AMBN: variants seen among roughly 807,000 people sequenced by gnomAD.
The protein encoded by AMBN is ameloblastin.
AMBN carries 54 observed loss-of-function variants against 48.0 expected under a neutral mutation model. The ratio of observed to expected loss-of-function variants is 1.12; its 90% confidence interval spans 0.90 to 1.41. AMBN has a LOEUF of 1.41. AMBN is among the 40% of genes most tolerant of loss of function. The pLI is 0.00. For synonymous variants in AMBN, 186 were observed against 190.0 expected (o/e 0.98, Z 0.17); for missense variants, 571 against 547.3 (o/e 1.04, Z -0.43).
At chr4:70,597,689 T>C (rs962671711) in intron 3 of AMBN, among the ~76,000 whole-genome samples, 18 of 152,236 alleles carry the variant, frequency 1.2e-4, no homozygotes, top group Middle Eastern at 3.4e-3. Flanking sequence ...CATGGTAAGC[T>C]GGGGGCAGTC....
At chr4:70,602,591 G>T in intron 6 of AMBN, 33 bp from the exon 7 acceptor site, 4 of 1,471,650 alleles carry the variant, frequency 2.7e-6, no homozygotes, top group Non-Finnish European at 3.6e-6. Context: ...TTTATTTTTT[G>T]ACTGATAATT....
intron 3 of AMBN, 94 bp downstream of exon 3, chr4:70,597,143 C>T (rs1737403461): frequency 2.5e-6 from 3 of 1,183,272 alleles, no homozygotes; most frequent in Non-Finnish European, 3.6e-6. Flanking sequence ...GTTTTCCTAG[C>T]CAGAAGTTTG....
At chr4:70,601,849 A>G (rs1737528819) in intron 6 of AMBN, 195 bp downstream of exon 6, 1 of 697,778 alleles carries the variant, frequency 1.4e-6, no homozygotes, top group Non-Finnish European at 2.5e-6. Flanking sequence ...TTTTGCCATC[A>G]GAGACAGGGC....
chr4:70,602,958 T>C lies in AMBN; in HGVS notation c.610-14T>C, dbSNP rs748798988. ...TTTTTTGACTGATAATTTTAATATT[T>C]ATCTGTAATATAGCTCCCAGGATTG... On this transcript the variant is annotated splice_polypyrimidine_tract_variant and intron_variant, in intron 8 of 12. Coordinates refer to ENST00000322937, the MANE Select transcript of AMBN (RefSeq NM_016519.6). The C allele has an allele frequency of 8.8e-6, 14 of 1,593,928 alleles. No individual in the cohort carries two copies. The Admixed American group carries it at 2.4e-4, about 28-fold the overall frequency.
chr4:70,598,087 C>A (rs970504340), intron 3 of AMBN, among the ~76,000 whole-genome samples: 2 of 152,120 alleles, frequency 1.3e-5, no homozygotes, highest in Admixed American at 6.6e-5. Context: ...AGCTATTTTC[C>A]CATGTTTCAA....
chr4:70,598,536 G>A, intron 4 of AMBN, 133 bp downstream of exon 4: 1 of 572,196 alleles, frequency 1.7e-6, no homozygotes, highest in Non-Finnish European at 2.7e-6. Context: ...GTAAATGAGA[G>A]CCTAAAACAA....
At chr4:70,603,221 C>A in intron 9 of AMBN, 39 bp from the exon 10 acceptor site, 2 of 1,581,946 alleles carry the variant, frequency 1.3e-6, no homozygotes, top group Non-Finnish European at 1.7e-6. Flanking sequence ...TGGGGATGTG[C>A]CTGTGAGAAT....
intron 9 of AMBN, 124 bp from the exon 10 acceptor site, chr4:70,603,136 C>T (rs1188919655): frequency 2.2e-6 from 3 of 1,355,646 alleles, no homozygotes; most frequent in African/African-American, 3.0e-5. Context: ...CCTTTGTTCT[C>T]TTAAATATTA....
rs180819235 is a variant in AMBN, at chr4:70,601,497, C to A, written c.374C>A (p.Pro125His). Residue 125 changes from proline to histidine, a missense_variant, in exon 6 of 13, where the codon CCT (proline) becomes CAT (histidine). Physicochemically the swap from Pro to His is moderately conservative, Grantham distance 77 (BLOSUM62 -2). Coordinates refer to ENST00000322937, the MANE Select transcript of AMBN (RefSeq NM_016519.6). ...SLKPQQPGLK[P>H]FLQSAAATTN... ...AAGCCTCAACAGCCAGGACTGAAAC[C>A]TTTTCTCCAGTCTGCTGCTGCAACC... 3.2e-5 allele frequency: 51 copies of A among 1,614,192 alleles called. No homozygotes were observed. The Admixed American group carries it at 8.3e-4, about 26-fold the overall frequency.
Position 70,601,417 on chromosome 4 carries a change from G to T in AMBN, c.295-1G>T. On this transcript the variant is annotated splice_acceptor_variant, in intron 5 of 12. Coordinates refer to ENST00000322937, the MANE Select transcript of AMBN (RefSeq NM_016519.6). LOFTEE classifies it high-confidence loss of function. ...AACACTCTTTTCAAATTTCTCTGCA[G>T]TATGAATATTCTTTGCCTGTGCATC... The T allele has an allele frequency of 6.2e-7, 1 of 1,613,596 alleles. No individual in the cohort carries two copies. Among genetic ancestry groups the T allele is most frequent in the Non-Finnish European group, 8.5e-7 (1 of 1,179,542 alleles).
At chr4:70,599,850 A>T (rs1362743342) in intron 5 of AMBN, among the ~76,000 whole-genome samples, 1 of 152,220 alleles carries the variant, frequency 6.6e-6, no homozygotes, top group African/African-American at 2.4e-5. Context: ...TATTTATTTA[A>T]AATAGGAAGA....
chr4:70,593,481 C>A, intron 2 of AMBN, 86 bp downstream of exon 2: 1 of 1,108,176 alleles, frequency 9.0e-7, no homozygotes, highest in Non-Finnish European at 1.4e-6. Context: ...ACTGAGAGTC[C>A]ACGCATAGAC....
chr4:70,597,947 TTTGTTTGTC>T (rs770510857), intron 3 of AMBN, among the ~76,000 whole-genome samples: 4 of 144,420 alleles, frequency 2.8e-5, no homozygotes, highest in African/African-American at 5.2e-5. Flanking sequence ...AGAAGTTTTA[TTTGTTTGTC>T]TTGTTTGTTT....
At chr4:70,606,086 G>T (rs976634818) in intron 12 of AMBN, 99 bp from the exon 13 acceptor site, 1 of 1,404,362 alleles carries the variant, frequency 7.1e-7, no homozygotes, top group South Asian at 1.4e-5. Context: ...TTCTCCACCA[G>T]TTTTTTAGAG....
intron 2 of AMBN, 136 bp from the exon 3 acceptor site, chr4:70,596,863 C>A: frequency 1.7e-6 from 1 of 574,766 alleles, no homozygotes; most frequent in South Asian, 2.8e-5. Flanking sequence ...CCCAAGCACT[C>A]AAGTCATTTG....
chr4:70,599,651 G>A lies in AMBN; in HGVS notation c.294+5G>A. ...AGAGAACATGAAACTCAACAGGTGAGTGAATAGCATCAATATGTTTGAAAC... is the reference window on the plus strand; with the variant it reads ...AGAGAACATGAAACTCAACAGGTGAATGAATAGCATCAATATGTTTGAAAC... On this transcript the variant is annotated splice_donor_5th_base_variant and intron_variant, in intron 5 of 12. Transcript: ENST00000322937. The A allele has an allele frequency of 1.3e-6, 2 of 1,590,054 alleles. No individual in the cohort carries two copies. Among genetic ancestry groups the A allele is most frequent in the African/African-American group, 1.3e-5 (1 of 74,322 alleles).
chr4:70,597,746 G>T (rs560984875), intron 3 of AMBN, among the ~76,000 whole-genome samples: 2 of 152,064 alleles, frequency 1.3e-5, no homozygotes, highest in African/African-American at 4.8e-5. Flanking sequence ...AGCTAATTTC[G>T]CTGAGGGTTT....
chr4:70,594,620 A>C (rs901841524), intron 2 of AMBN, among the ~76,000 whole-genome samples: 6 of 152,198 alleles, frequency 3.9e-5, no homozygotes, highest in Non-Finnish European at 8.8e-5. Flanking sequence ...ATAATGATGA[A>C]AACCTTAATT....
At chr4:70,594,273 C>G (rs952397259) in intron 2 of AMBN, among the ~76,000 whole-genome samples, 5 of 152,148 alleles carry the variant, frequency 3.3e-5, no homozygotes, top group African/African-American at 1.2e-4. Flanking sequence ...CACACCTGAT[C>G]CATTCTAGTA....
Sources: gnomAD v4.1 joint callset for allele counts (sites outside exome capture counted in the v4.1 genomes callset) on GRCh38, gnomAD v4.1.1 for gene constraint, MANE v1.5 for transcripts, NCBI Gene and HGNC (gene_info 2026-07-23, HGNC 2026-07-21) for gene names.